The following DLGAP2 variants were observed in gnomAD, a reference collection of about 807,000 sequenced individuals.
The protein encoded by DLGAP2 is DLG associated protein 2, also known as disks large-associated protein 2.
A neutral mutation model predicts 100.3 loss-of-function variants in DLGAP2; 26 were observed. The ratio of observed to expected loss-of-function variants is 0.26; its 90% CI spans 0.19 to 0.36. The LOEUF (loss-of-function observed/expected upper bound fraction) is 0.36. DLGAP2 is among the 10% of genes least tolerant of loss of function. DLGAP2 has a pLI of 1.00. For missense variants in DLGAP2, 1,858 were observed against 1,453.2 expected, an observed-to-expected ratio of 1.28 and a Z score of -4.53; for synonymous variants, 886 against 630.1, an observed-to-expected ratio of 1.41 and a Z score of -6.08.
At chr8:1,348,143 C>T (rs979801029) in intron 3 of DLGAP2, among the ~76,000 whole-genome samples, 1 of 151,738 alleles carries the variant, frequency 6.6e-6, no homozygotes, top group Admixed American at 6.6e-5. Flanking sequence ...GGTTGAGTTC[C>T]CATACAGAGC....
chr8:1,661,992 A>G (rs1450552159), intron 8 of DLGAP2, among the ~76,000 whole-genome samples: 1 of 152,196 alleles, frequency 6.6e-6, no homozygotes, highest in Admixed American at 6.5e-5. Context: ...TCCTTACAGT[A>G]TGGTGAGCCT....
At chr8:1,033,760 C>T (rs78732133) in intron 2 of DLGAP2, among the ~76,000 whole-genome samples, 4,830 of 147,360 alleles carry the variant, frequency 0.033, 96 homozygotes, top group East Asian at 0.13. Flanking sequence ...ATCCCGACCC[C>T]GCGTGTCACC....
chr8:1,648,469 G>T (rs1032666975), intron 8 of DLGAP2, among the ~76,000 whole-genome samples: 1 of 152,134 alleles, frequency 6.6e-6, no homozygotes, highest in Non-Finnish European at 1.5e-5. Flanking sequence ...TGTCATTTCA[G>T]GTTAAACCCA....
At chr8:1,655,816 A>C (rs1798270647) in intron 8 of DLGAP2, among the ~76,000 whole-genome samples, 1 of 152,214 alleles carries the variant, frequency 6.6e-6, no homozygotes, top group Non-Finnish European at 1.5e-5. Context: ...GTGCTGTGTT[A>C]GAACACTCAG....
rs1423204515 is a variant in DLGAP2, at chr8:1,219,412, A to G, written c.74-39439A>G. On this transcript the variant is annotated intron_variant, in intron 2 of 14. Transcript: ENST00000637795. ...ATTTTTAGTTATGATTATGTGATGA[A>G]TCACATTTATTTATGTTTGTTAAAC... Among the ~76,000 whole-genome samples the G allele has an allele frequency of 2.0e-5, 3 of 152,220 alleles. No homozygotes were observed. In the South Asian group the frequency reaches 6.2e-4, roughly 31 times the overall value.
At chr8:1,225,004 G>A (rs2116820029) in intron 2 of DLGAP2, among the ~76,000 whole-genome samples, 1 of 152,348 alleles carries the variant, frequency 6.6e-6, no homozygotes, top group South Asian at 2.1e-4. Flanking sequence ...GAAATGTAAA[G>A]TTATTTAGCC....
At position 1,425,368 on chromosome 8, in the gene DLGAP2, G is replaced by A. The variant is rs188743492; in HGVS notation, c.107-75998G>A. Among the ~76,000 whole-genome samples, 204 of 152,258 alleles carry A rather than the reference G, an allele frequency of 1.3e-3. 2 individuals carry two copies. The highest frequency in any genetic ancestry group is 4.7e-3 in the African/African-American group (195 of 41,558). On this transcript the variant is annotated intron_variant, in intron 3 of 14. Coordinates refer to ENST00000637795, the MANE Select transcript of DLGAP2 (RefSeq NM_001346810.2). ...GGTGTTAACATCTAGCATCTTCCCC[G>A]GGAGGCCAGCCAGGTACAACATTAG...
chr8:1,075,218 C>T (rs1248950925), intron 2 of DLGAP2, among the ~76,000 whole-genome samples: 1 of 152,154 alleles, frequency 6.6e-6, no homozygotes, highest in African/African-American at 2.4e-5. Flanking sequence ...GAGGTTCTGC[C>T]CAGATGACCA....
chr8:1,056,155 C>T (rs779617853), intron 2 of DLGAP2, among the ~76,000 whole-genome samples: 9 of 152,148 alleles, frequency 5.9e-5, no homozygotes, highest in South Asian at 2.1e-4. Context: ...ATGTAATTCT[C>T]GTTTTAGGAA....
At chr8:752,986 G>A (rs749742435) in intron 1 of DLGAP2, among the ~76,000 whole-genome samples, 17 of 152,204 alleles carry the variant, frequency 1.1e-4, no homozygotes, top group Non-Finnish European at 2.2e-4. Flanking sequence ...CAGTCATTGT[G>A]TGGTTACCAC....
intron 1 of DLGAP2, among the ~76,000 whole-genome samples, chr8:784,313 GTA>G (rs1016939886): frequency 1.3e-5 from 2 of 152,172 alleles, no homozygotes; most frequent in Admixed American, 6.5e-5. Flanking sequence ...ATTTAAAAAT[GTA>G]TTTTGGCTTT....
rs551366382 is a variant in DLGAP2, at chr8:1,598,054, T to C, written c.1443-28686T>C. 3.3e-5 allele frequency among the ~76,000 whole-genome samples: 5 copies of C among 152,348 alleles called. No homozygotes were observed. The East Asian group carries it at 9.6e-4, about 29-fold the overall frequency. The stretch of plus-strand genomic sequence containing the variant: ...ATACTTCACATCAATACCTAGTTTA[T>C]TGAGAGCTTTTAGCATGAAGCAGTG... On this transcript the variant is annotated intron_variant, in intron 6 of 14. Coordinates refer to ENST00000637795, the MANE Select transcript of DLGAP2 (RefSeq NM_001346810.2).
chr8:1,201,938 A>G (rs1026487955), intron 2 of DLGAP2, among the ~76,000 whole-genome samples: 8 of 147,086 alleles, frequency 5.4e-5, no homozygotes, highest in Admixed American at 4.1e-4. Context: ...TCTGTGTGTG[A>G]TGTGTGTATG....
intron 13 of DLGAP2, among the ~76,000 whole-genome samples, chr8:1,696,244 T>C (rs1286991299): frequency 6.6e-6 from 1 of 152,160 alleles, no homozygotes; most frequent in African/African-American, 2.4e-5. Flanking sequence ...GCTCACCCTG[T>C]AATCCCAGCA....
rs556302620 is a variant in DLGAP2 at position 1,392,601 on chromosome 8, G to A, written c.107-108765G>A. On this transcript the variant is annotated intron_variant, in intron 3 of 14. Transcript: ENST00000637795. The stretch of plus-strand genomic sequence containing the variant: ...CTCTGCTTGTTATCATATTAACTTT[G>A]CATTTTAACTGTGACCCTACATGGT... Among the ~76,000 whole-genome samples, 6 of 152,272 alleles carry A rather than the reference G, an allele frequency of 3.9e-5. No homozygotes were observed. In the South Asian group the frequency reaches 1.2e-3, roughly 32 times the overall value.
At chr8:1,437,562 C>A (rs1455830437) in intron 3 of DLGAP2, among the ~76,000 whole-genome samples, 2 of 152,300 alleles carry the variant, frequency 1.3e-5, no homozygotes, top group South Asian at 4.1e-4. Context: ...TCAGAGTACA[C>A]AGAACGCTAT....
chr8:1,670,418 C>T (rs1286715918), intron 10 of DLGAP2, among the ~76,000 whole-genome samples: 1 of 152,202 alleles, frequency 6.6e-6, no homozygotes, highest in Non-Finnish European at 1.5e-5. Flanking sequence ...TCCTCATCCC[C>T]CCAGCTTCCC....
rs541172798 is a variant in DLGAP2 at position 1,124,537 on chromosome 8, T to C, written c.74-134314T>C. Among the ~76,000 whole-genome samples the C allele has an allele frequency of 5.4e-4, 82 of 152,376 alleles. 1 individual carries two copies. The South Asian group carries it at 9.7e-3, about 18-fold the overall frequency. On this transcript the variant is annotated intron_variant, in intron 2 of 14. Transcript: ENST00000637795. ...ATCAAATATACTTTTCTGTTTGTTT[T>C]CTACCATTCATGATATGTAATTGTG...
intron 2 of DLGAP2, among the ~76,000 whole-genome samples, chr8:1,193,058 A>T (rs1797673668): frequency 2.0e-5 from 3 of 152,070 alleles, no homozygotes; most frequent in African/African-American, 7.2e-5. Context: ...ACATTTTCTT[A>T]ATCCAGTCTA....
Sources: allele counts gnomAD v4.1 joint callset (sites outside exome capture counted in the v4.1 genomes callset), GRCh38; gene constraint gnomAD v4.1.1; transcripts MANE v1.5; gene names NCBI Gene and HGNC (gene_info 2026-07-23, HGNC 2026-07-21).